The following SUPT3H variants were observed in gnomAD, a reference collection of about 807,000 sequenced individuals.
The protein encoded by SUPT3H is transcription initiation protein SPT3 homolog.
A neutral mutation model predicts 44.3 loss-of-function variants in SUPT3H; 44 were observed. The ratio of observed to expected loss-of-function variants is 0.99; its 90% CI spans 0.78 to 1.28. SUPT3H has a LOEUF of 1.28. SUPT3H is among the 50% of genes most tolerant of loss of function. The probability of loss-of-function intolerance (pLI) is 0.00; values close to 1 mark genes in which losing one functional copy is unlikely to be tolerated. For synonymous variants in SUPT3H, 124 were observed against 125.6 expected (o/e 0.99, Z 0.09); for missense variants, 380 against 387.1 (o/e 0.98, Z 0.15).
intron 2 of SUPT3H, among the ~76,000 whole-genome samples, chr6:45,108,162 G>A (rs1453746230): frequency 6.6e-6 from 1 of 152,122 alleles, no homozygotes; most frequent in Non-Finnish European, 1.5e-5. Flanking sequence ...TAAATTCCAG[G>A]CAAAGCAATT....
chr6:44,859,559 G>A (rs566213558), intron 10 of SUPT3H, among the ~76,000 whole-genome samples: 1 of 152,156 alleles, frequency 6.6e-6, no homozygotes, highest in African/African-American at 2.4e-5. Flanking sequence ...TGCTAATGAG[G>A]TTATTGCTTA....
At chr6:44,883,884 A>AG (rs1778680999) in intron 10 of SUPT3H, among the ~76,000 whole-genome samples, 2 of 152,174 alleles carry the variant, frequency 1.3e-5, no homozygotes, top group Admixed American at 6.5e-5. Flanking sequence ...GATGGATTAA[A>AG]ACTTAAACAT....
intron 5 of SUPT3H, among the ~76,000 whole-genome samples, chr6:45,010,441 T>C (rs1783317433): frequency 1.3e-5 from 2 of 152,142 alleles, no homozygotes; most frequent in Admixed American, 6.6e-5. Flanking sequence ...TACAGTCTTT[T>C]ACCATTAACT....
chr6:45,132,800 T>C (rs1430868189), intron 2 of SUPT3H, among the ~76,000 whole-genome samples: 2 of 152,126 alleles, frequency 1.3e-5, no homozygotes, highest in African/African-American at 4.8e-5. Context: ...GGTCTAGAAA[T>C]AGAACACTAA....
At chr6:45,067,537 T>C (rs1341881109) in intron 3 of SUPT3H, among the ~76,000 whole-genome samples, 2 of 150,282 alleles carry the variant, frequency 1.3e-5, no homozygotes, top group African/African-American at 2.4e-5. Flanking sequence ...ACCAACAAAA[T>C]GGGAGAAAAT....
At chr6:44,834,865 C>T (rs919255211) in intron 10 of SUPT3H, among the ~76,000 whole-genome samples, 8 of 151,832 alleles carry the variant, frequency 5.3e-5, no homozygotes, top group Admixed American at 2.6e-4. Context: ...GTGGAGTTGG[C>T]GGAGGGGCGG....
chr6:44,839,917 G>T (rs1770662524), intron 10 of SUPT3H, among the ~76,000 whole-genome samples: 1 of 151,820 alleles, frequency 6.6e-6, no homozygotes. Context: ...AGCCAGGATG[G>T]TCTCGATCTC....
At chr6:45,196,992 T>G (rs1228212649) in intron 2 of SUPT3H, among the ~76,000 whole-genome samples, 2 of 151,496 alleles carry the variant, frequency 1.3e-5, no homozygotes, top group African/African-American at 4.8e-5. Context: ...CCTCAGCTTC[T>G]GAGGAGAAGA....
At chr6:44,847,187 G>C (rs528266091) in intron 10 of SUPT3H, among the ~76,000 whole-genome samples, 1 of 152,284 alleles carries the variant, frequency 6.6e-6, no homozygotes, top group Admixed American at 6.5e-5. Flanking sequence ...GTTTGGGACT[G>C]TGCTAGCTAC....
At position 45,090,895 on chromosome 6, in the gene SUPT3H, C is replaced by T. The variant is rs193006994; in HGVS notation, c.186+15027G>A. Reference sequence around the variant, plus strand: ...ATTATCATCAAATCTTACATCGAGTCTAGTGATCTTCTTAATAAAAACAGT... The same window carrying T: ...ATTATCATCAAATCTTACATCGAGTTTAGTGATCTTCTTAATAAAAACAGT... On this transcript the variant is annotated intron_variant, in intron 3 of 10. Coordinates refer to ENST00000371459, the MANE Select transcript of SUPT3H (RefSeq NM_003599.4). Among the ~76,000 whole-genome samples, 544 of 151,842 alleles carry T rather than the reference C, an allele frequency of 3.6e-3. 3 individuals are homozygous for T. Among genetic ancestry groups the T allele is most frequent in the African/African-American group, 0.013 (520 of 41,520 alleles).
At chr6:45,204,380 A>G (rs1478677072) in intron 2 of SUPT3H, among the ~76,000 whole-genome samples, 3 of 152,168 alleles carry the variant, frequency 2.0e-5, no homozygotes, top group African/African-American at 7.2e-5. Context: ...AGAAACAACA[A>G]AAGATACAGC....
intron 2 of SUPT3H, among the ~76,000 whole-genome samples, chr6:45,295,192 CACTT>C (rs1169984466): frequency 2.6e-5 from 4 of 151,972 alleles, no homozygotes; most frequent in Non-Finnish European, 5.9e-5. Context: ...TAAACCTAAA[CACTT>C]ACAGCCAACT....
At chr6:45,136,389 C>A (rs940257989) in intron 2 of SUPT3H, among the ~76,000 whole-genome samples, 3 of 151,970 alleles carry the variant, frequency 2.0e-5, no homozygotes, top group Non-Finnish European at 4.4e-5. Flanking sequence ...TTGCTTGCTA[C>A]AAAATACTAT....
chr6:44,901,982 T>C (rs1273375894), intron 10 of SUPT3H, among the ~76,000 whole-genome samples: 3 of 152,074 alleles, frequency 2.0e-5, no homozygotes, highest in Non-Finnish European at 2.9e-5. Flanking sequence ...CTGAGAGATT[T>C]TGTCACCACC....
At chr6:45,032,272 C>T (rs575433789) in intron 3 of SUPT3H, among the ~76,000 whole-genome samples, 20 of 152,208 alleles carry the variant, frequency 1.3e-4, no homozygotes, top group Non-Finnish European at 2.4e-4. Context: ...TCGGGTTTCC[C>T]TAAGCTCAGA....
At chr6:45,226,345 G>T (rs1766936438) in intron 2 of SUPT3H, among the ~76,000 whole-genome samples, 1 of 152,144 alleles carries the variant, frequency 6.6e-6, no homozygotes, top group Admixed American at 6.5e-5. Context: ...TTGAGTGTGT[G>T]TGTGTGTATA....
chr6:44,813,882 A>G (rs139722640), intron 11 of SUPT3H, among the ~76,000 whole-genome samples: 4 of 152,272 alleles, frequency 2.6e-5, no homozygotes, highest in African/African-American at 9.6e-5. Context: ...TAAGTCTGAC[A>G]TACATCTAAT....
chr6:45,309,845 A>G (rs1166205449), intron 2 of SUPT3H, among the ~76,000 whole-genome samples: 1 of 152,194 alleles, frequency 6.6e-6, no homozygotes, highest in Non-Finnish European at 1.5e-5. Context: ...GGGATGATAT[A>G]GTCAAAGTGA....
chr6:45,341,824 A>T lies in SUPT3H; in HGVS notation c.101+23377T>A, dbSNP rs78680262. Among the ~76,000 whole-genome samples the T allele has an allele frequency of 7.5e-3, 1,143 of 152,318 alleles. 21 individuals are homozygous for T. Among genetic ancestry groups the T allele is most frequent in the African/African-American group, 0.026 (1,085 of 41,576 alleles). On this transcript the variant is annotated intron_variant, in intron 2 of 10. Coordinates refer to ENST00000371459, the MANE Select transcript of SUPT3H (RefSeq NM_003599.4). ...TACAAATTAAAAATGACACACTAAG[A>T]TAATTCATCGCTTTTAGTTTAAACC...
Sources: gnomAD v4.1 joint callset for allele counts (sites outside exome capture counted in the v4.1 genomes callset) on GRCh38, gnomAD v4.1.1 for gene constraint, MANE v1.5 for transcripts, NCBI Gene and HGNC (gene_info 2026-07-23, HGNC 2026-07-21) for gene names.